Variants in THSD7B observed in about 807,000 individuals in gnomAD.
THSD7B encodes the protein thrombospondin type-1 domain-containing protein 7B.
In THSD7B, 138 loss-of-function variants were observed where a neutral mutation model predicts 213.6. The observed-to-expected ratio is 0.65, with a 90% CI of 0.56 to 0.74. THSD7B has a LOEUF of 0.74. THSD7B is among the 30% of genes least tolerant of loss of function. The pLI is 0.00. For missense variants in THSD7B, 1,931 were observed against 1,991.5 expected (o/e 0.97, Z 0.58); for synonymous variants, 742 against 687.0 (o/e 1.08, Z -1.25).
chr2:136,788,362 T>G (rs893348809), intron 1 of THSD7B, among the ~76,000 whole-genome samples: 2 of 152,214 alleles, frequency 1.3e-5, no homozygotes, highest in Admixed American at 1.3e-4. Context: ...GAAAGTGTGC[T>G]GGGACTTTTA....
chr2:137,655,697 T>C (rs1457040490), intron 22 of THSD7B, 37 bp downstream of exon 22: 1 of 1,585,606 alleles, frequency 6.3e-7, no homozygotes, highest in African/African-American at 1.4e-5. Flanking sequence ...CCTCCCATGG[T>C]GATCTTTTTG....
chr2:137,586,246 G>A (rs560136310), intron 17 of THSD7B, among the ~76,000 whole-genome samples: 1 of 152,200 alleles, frequency 6.6e-6, no homozygotes, highest in Admixed American at 6.5e-5. Flanking sequence ...CATGAGATGG[G>A]TCTCCTGAAT....
intron 17 of THSD7B, among the ~76,000 whole-genome samples, chr2:137,573,019 C>T (rs1681388161): frequency 6.6e-6 from 1 of 150,910 alleles, no homozygotes; most frequent in Non-Finnish European, 1.5e-5. Context: ...ATGAGGCATT[C>T]TTTTGCCATG....
intron 2 of THSD7B, among the ~76,000 whole-genome samples, chr2:136,921,580 C>T (rs1034576014): frequency 1.2e-4 from 18 of 152,080 alleles, no homozygotes; most frequent in African/African-American, 4.3e-4. Context: ...TTTCAGGTGT[C>T]ACTAACTATT....
intron 12 of THSD7B, among the ~76,000 whole-genome samples, chr2:137,308,516 C>T (rs1227815871): frequency 6.6e-6 from 1 of 151,880 alleles, no homozygotes; most frequent in East Asian, 1.9e-4. Flanking sequence ...ATATCATATT[C>T]CTAAATTGTT....
At chr2:137,014,272 G>T (rs76569754) in intron 2 of THSD7B, among the ~76,000 whole-genome samples, 1 of 152,138 alleles carries the variant, frequency 6.6e-6, no homozygotes, top group African/African-American at 2.4e-5. Context: ...GCATTCACAC[G>T]TCTCTGCAAC....
intron 12 of THSD7B, among the ~76,000 whole-genome samples, chr2:137,379,925 C>T (rs956953608): frequency 5.3e-5 from 8 of 152,194 alleles, no homozygotes; most frequent in African/African-American, 1.2e-4. Context: ...CTCTTCCCTG[C>T]GGCCCAAATA....
chr2:136,839,179 C>T (rs755040024), intron 1 of THSD7B, among the ~76,000 whole-genome samples: 1 of 152,222 alleles, frequency 6.6e-6, no homozygotes, highest in Non-Finnish European at 1.5e-5. Context: ...AAAGATCAAG[C>T]ATGCCTCACA....
intron 1 of THSD7B, among the ~76,000 whole-genome samples, chr2:136,825,962 T>A (rs934086708): frequency 3.3e-5 from 5 of 152,190 alleles, no homozygotes; most frequent in African/African-American, 1.2e-4. Flanking sequence ...GCACCTGCAG[T>A]GTCCTTTTTG....
intron 1 of THSD7B, among the ~76,000 whole-genome samples, chr2:136,858,081 T>C (rs183703511): frequency 1.3e-5 from 2 of 152,320 alleles, no homozygotes; most frequent in East Asian, 3.9e-4. Context: ...GTAATAGCAT[T>C]ACAAACAGAT....
At chr2:137,675,030 C>A (rs546713995) in intron 27 of THSD7B, among the ~76,000 whole-genome samples, 1 of 151,988 alleles carries the variant, frequency 6.6e-6, no homozygotes, top group East Asian at 1.9e-4. Context: ...CAGTAAAATT[C>A]ACATAACATA....
At position 137,093,687 on chromosome 2, in the gene THSD7B, G is replaced by T. The variant is rs898410879; in HGVS notation, c.951-1186G>T. 1.5e-4 allele frequency among the ~76,000 whole-genome samples: 23 copies of T among 152,220 alleles called. 1 individual carries two copies. The highest frequency in any genetic ancestry group is 1.4e-3 in the Admixed American group (21 of 15,276). On this transcript the variant is annotated intron_variant, in intron 3 of 27. Transcript: ENST00000409968. ...TCTGCCTTACCGGGGGTTCATCACT[G>T]CCTCTTCAGTGTTTCTCATCATTAC...
At chr2:137,174,315 G>A (rs1022993164) in intron 7 of THSD7B, among the ~76,000 whole-genome samples, 7 of 152,146 alleles carry the variant, frequency 4.6e-5, no homozygotes, top group Admixed American at 6.6e-5. Context: ...TAGGGCTCTC[G>A]ACAGTGTCTT....
At chr2:137,493,280 GA>G (rs1313486768) in intron 15 of THSD7B, among the ~76,000 whole-genome samples, 6 of 151,996 alleles carry the variant, frequency 3.9e-5, no homozygotes, top group African/African-American at 1.5e-4. Context: ...TGCATTTACT[GA>G]AGACGTTTCT....
chr2:136,896,462 T>C (rs1041120968), intron 2 of THSD7B, among the ~76,000 whole-genome samples: 1 of 152,202 alleles, frequency 6.6e-6, no homozygotes, highest in African/African-American at 2.4e-5. Context: ...TTATTGGATG[T>C]GAGTTTTGCA....
At chr2:136,951,324 A>G (rs1257175681) in intron 2 of THSD7B, among the ~76,000 whole-genome samples, 1 of 152,194 alleles carries the variant, frequency 6.6e-6, no homozygotes, top group Non-Finnish European at 1.5e-5. Context: ...TCCTCTCTGC[A>G]TTTAACTAGT....
intron 14 of THSD7B, among the ~76,000 whole-genome samples, chr2:137,430,739 T>C (rs997767194): frequency 4.6e-5 from 7 of 152,144 alleles, no homozygotes; most frequent in African/African-American, 1.7e-4. Flanking sequence ...TGGATTTGAA[T>C]AAAATCAAAG....
chr2:136,867,425 C>T (rs927486920), intron 1 of THSD7B, among the ~76,000 whole-genome samples: 14 of 152,182 alleles, frequency 9.2e-5, no homozygotes, highest in East Asian at 3.9e-4. Flanking sequence ...TCCATTCCCA[C>T]ATGTCTTTAA....
At chr2:137,049,542 A>G (rs573434534) in intron 2 of THSD7B, among the ~76,000 whole-genome samples, 11 of 152,276 alleles carry the variant, frequency 7.2e-5, no homozygotes, top group African/African-American at 2.4e-4. Context: ...AACAGAAATA[A>G]TAAACCATGC....
Sources: allele counts gnomAD v4.1 joint callset (sites outside exome capture counted in the v4.1 genomes callset), GRCh38; gene constraint gnomAD v4.1.1; transcripts MANE v1.5; gene names NCBI Gene and HGNC (gene_info 2026-07-23, HGNC 2026-07-21).